PCNX2: variants seen among roughly 807,000 people sequenced by gnomAD.
PCNX2 encodes pecanex-like protein 2.
A neutral mutation model predicts 223.8 loss-of-function variants in PCNX2; 168 were observed. The observed-to-expected ratio is 0.75, with a 90% CI of 0.66 to 0.85. The LOEUF is 0.85. Ranked by LOEUF, PCNX2 falls within the 40% of genes least tolerant of loss-of-function variation. The probability of loss-of-function intolerance (pLI) is 0.00; values close to 1 mark genes in which losing one functional copy is unlikely to be tolerated. For synonymous variants in PCNX2, 1,006 were observed against 1,052.6 expected (o/e 0.96, Z 0.86); for missense variants, 2,507 against 2,675.5 (o/e 0.94, Z 1.39).
intron 23 of PCNX2, among the ~76,000 whole-genome samples, chr1:233,061,624 G>T (rs1672407401): frequency 6.6e-6 from 1 of 152,086 alleles, no homozygotes; most frequent in South Asian, 2.1e-4. Flanking sequence ...TATGAGTGCT[G>T]GGTGCTTTCC....
At chr1:233,005,526 A>T (rs1393820865) in intron 28 of PCNX2, among the ~76,000 whole-genome samples, 1 of 152,204 alleles carries the variant, frequency 6.6e-6, no homozygotes, top group Non-Finnish European at 1.5e-5. Context: ...GTGGTGCTTC[A>T]TGCTATTCCA....
intron 9 of PCNX2, among the ~76,000 whole-genome samples, chr1:233,233,818 C>T (rs961886796): frequency 6.6e-6 from 1 of 151,946 alleles, no homozygotes; most frequent in Non-Finnish European, 1.5e-5. Flanking sequence ...AAATAGCTCC[C>T]CTGTGCCTCC....
chr1:233,198,721 G>A (rs1300909705), intron 15 of PCNX2, among the ~76,000 whole-genome samples: 1 of 152,158 alleles, frequency 6.6e-6, no homozygotes, highest in Non-Finnish European at 1.5e-5. Context: ...GCAGAGGGGA[G>A]GCCAGGCCAG....
chr1:233,188,485 T>C (rs1003811548), intron 15 of PCNX2, among the ~76,000 whole-genome samples: 4 of 151,858 alleles, frequency 2.6e-5, no homozygotes, highest in Admixed American at 6.6e-5. Context: ...GTCAGACCCA[T>C]TCAGAATAAT....
intron 22 of PCNX2, among the ~76,000 whole-genome samples, chr1:233,091,232 A>G (rs1327819392): frequency 3.3e-5 from 5 of 152,108 alleles, no homozygotes; most frequent in African/African-American, 1.2e-4. Context: ...GACCTCCTAC[A>G]AGGCTGATCT....
intron 33 of PCNX2, chr1:232,985,238 C>T (rs1361312686): frequency 6.6e-6 from 1 of 152,168 alleles, no homozygotes; most frequent in Non-Finnish European, 1.5e-5. Context: ...AGGTACTTCC[C>T]TGGAGAGCTG....
At chr1:233,222,754 G>A (rs1398999553) in intron 10 of PCNX2, among the ~76,000 whole-genome samples, 3 of 152,190 alleles carry the variant, frequency 2.0e-5, no homozygotes, top group Admixed American at 2.0e-4. Context: ...ACGACTCCAA[G>A]ATATTTAAGC....
chr1:233,199,168 T>C, intron 14 of PCNX2, 138 bp from the exon 15 acceptor site: 1 of 753,142 alleles, frequency 1.3e-6, no homozygotes, highest in Non-Finnish European at 2.1e-6. Flanking sequence ...ATGGGATCCA[T>C]CAAAAGGCAC....
chr1:232,989,626 G>A (rs1260098343), intron 32 of PCNX2, among the ~76,000 whole-genome samples: 2 of 152,152 alleles, frequency 1.3e-5, no homozygotes, highest in Admixed American at 6.5e-5. Context: ...TGCCCTTTCT[G>A]CAGCAAAGGA....
rs540706230 is a variant in PCNX2 at position 233,225,431 on chromosome 1, T to A, written c.2504+1795A>T. ...ATCCTAAGATCATAGCACTAATAAG[T>A]AGTAGGGACCAGGTTTAATTCCCAA... On this transcript the variant is annotated intron_variant, in intron 10 of 33. Coordinates refer to ENST00000258229, the MANE Select transcript of PCNX2 (RefSeq NM_014801.4). Among the ~76,000 whole-genome samples, 10 of 152,220 alleles carry A rather than the reference T, an allele frequency of 6.6e-5. No homozygotes were observed. In the South Asian group the frequency reaches 2.1e-3, roughly 32 times the overall value.
intron 1 of PCNX2, among the ~76,000 whole-genome samples, chr1:233,290,063 T>C (rs1156846601): frequency 6.9e-6 from 1 of 145,008 alleles, no homozygotes; most frequent in Non-Finnish European, 1.5e-5. Context: ...GGAAGGGTGG[T>C]CAAAGAAATG....
intron 23 of PCNX2, among the ~76,000 whole-genome samples, chr1:233,085,019 C>A (rs537805678): frequency 2.6e-5 from 4 of 152,170 alleles, no homozygotes; most frequent in African/African-American, 9.6e-5. Flanking sequence ...TGACATAATA[C>A]TGTTAGACTT....
At chr1:233,118,641 A>T (rs939697346) in intron 21 of PCNX2, among the ~76,000 whole-genome samples, 1 of 152,194 alleles carries the variant, frequency 6.6e-6, no homozygotes, top group African/African-American at 2.4e-5. Context: ...AAAGGATCAC[A>T]TAAATTGTAA....
upstream of PCNX2, among the ~76,000 whole-genome samples, chr1:233,299,289 A>G (rs946139860): frequency 1.4e-4 from 21 of 152,114 alleles, no homozygotes; most frequent in Non-Finnish European, 2.5e-4. Context: ...ATAATTAACT[A>G]CATATGTTTG....
At chr1:233,057,598 G>A (rs373169452) in intron 23 of PCNX2, 13 of 251,822 alleles carry the variant, frequency 5.2e-5, no homozygotes, top group African/African-American at 2.2e-4. Flanking sequence ...GGCTGAGCAC[G>A]GTGGCTCATG....
intron 21 of PCNX2, chr1:233,112,741 A>C: frequency 2.2e-6 from 2 of 929,290 alleles, no homozygotes; most frequent in Non-Finnish European, 2.8e-6. Context: ...CATATTTATT[A>C]TAGTATACTT....
At chr1:233,114,160 T>G (rs1675275216) in intron 21 of PCNX2, among the ~76,000 whole-genome samples, 1 of 152,144 alleles carries the variant, frequency 6.6e-6, no homozygotes, top group Non-Finnish European at 1.5e-5. Context: ...GTGAAAGGAT[T>G]GGAAACCTGG....
rs1669613678 is a variant in PCNX2, at chr1:232,989,381, G to T, written c.5792-2841C>A. Among the ~76,000 whole-genome samples, 3 of 152,040 alleles carry T rather than the reference G, an allele frequency of 2.0e-5. No individual in the cohort carries two copies. The South Asian group carries it at 6.2e-4, about 32-fold the overall frequency. ...AGGCAGGAGAATGGCGTGAACCCAG[G>T]AGGCGGAGCTTGCAGTGAGCCGAGA... On this transcript the variant is annotated intron_variant, in intron 32 of 33. Coordinates refer to ENST00000258229, the MANE Select transcript of PCNX2 (RefSeq NM_014801.4).
the PCNX2 span, among the ~76,000 whole-genome samples, chr1:233,308,895 G>T: frequency 1.1e-4 from 16 of 152,114 alleles, no homozygotes; most frequent in Non-Finnish European, 2.4e-4. Context: ...AAATATGTTG[G>T]TAATATCTAT....
Sources: allele counts gnomAD v4.1 joint callset (sites outside exome capture counted in the v4.1 genomes callset), GRCh38; gene constraint gnomAD v4.1.1; transcripts MANE v1.5; gene names NCBI Gene and HGNC (gene_info 2026-07-23, HGNC 2026-07-21).